DNMBP: variants seen among roughly 807,000 people sequenced by gnomAD.
DNMBP encodes dynamin-binding protein.
Under a neutral mutation model 150.0 loss-of-function variants are expected in DNMBP, and 87 were observed. That is an observed-to-expected ratio of 0.58 (90% CI 0.49 to 0.69). The LOEUF (loss-of-function observed/expected upper bound fraction) is 0.69, where lower values mean the gene tolerates loss of function less well. DNMBP is among the 30% of genes least tolerant of loss of function. The pLI, the probability that DNMBP is intolerant of heterozygous loss-of-function variation, is 0.00. For missense variants in DNMBP, 1,774 were observed against 1,949.0 expected, an observed-to-expected ratio of 0.91 and a Z score of 1.69; for synonymous variants, 711 against 750.4, an observed-to-expected ratio of 0.95 and a Z score of 0.86.
At chr10:99,952,390 G>A (rs911466788) in intron 4 of DNMBP, among the ~76,000 whole-genome samples, 1 of 152,190 alleles carries the variant, frequency 6.6e-6, no homozygotes, top group Non-Finnish European at 1.5e-5. Flanking sequence ...CTCAGCCAAG[G>A]TTCCCTCAGA....
intron 15 of DNMBP, among the ~76,000 whole-genome samples, chr10:99,882,090 G>A (rs1030559924): frequency 6.6e-6 from 1 of 152,108 alleles, no homozygotes; most frequent in Non-Finnish European, 1.5e-5. Flanking sequence ...TGAACCTGGA[G>A]GACACGTTAA....
intron 6 of DNMBP, among the ~76,000 whole-genome samples, chr10:99,906,946 A>C (rs2039833625): frequency 6.6e-6 from 1 of 152,262 alleles, no homozygotes; most frequent in Non-Finnish European, 1.5e-5. Flanking sequence ...GAATGTTTTA[A>C]AAACATTTTG....
chr10:99,893,705 G>A (rs2039610358), intron 11 of DNMBP, among the ~76,000 whole-genome samples: 1 of 152,172 alleles, frequency 6.6e-6, no homozygotes, highest in Non-Finnish European at 1.5e-5. Flanking sequence ...CTAGCCTGGC[G>A]AGAGTGAGAC....
chr10:99,924,416 C>T (rs1470671342), intron 4 of DNMBP, among the ~76,000 whole-genome samples: 1 of 152,212 alleles, frequency 6.6e-6, no homozygotes, highest in Non-Finnish European at 1.5e-5. Flanking sequence ...GCACTCCAGC[C>T]CGGGCGACAG....
intron 3 of DNMBP, among the ~76,000 whole-genome samples, chr10:99,962,607 G>T (rs746662191): frequency 2.6e-5 from 4 of 152,080 alleles, no homozygotes; most frequent in Non-Finnish European, 5.9e-5. Flanking sequence ...CTCCAGCCTG[G>T]GCGATAGAGC....
chr10:99,972,614 T>A (rs927447312), intron 1 of DNMBP, among the ~76,000 whole-genome samples: 2 of 150,696 alleles, frequency 1.3e-5, no homozygotes, highest in African/African-American at 2.4e-5. Flanking sequence ...TCTTTTTCCC[T>A]TTTTGGGGGC....
rs373360940 is a variant in DNMBP, at chr10:99,955,204, C to T, written c.2260+10G>A. On this transcript the variant is annotated intron_variant, in intron 4 of 16. Coordinates refer to ENST00000324109, the MANE Select transcript of DNMBP (RefSeq NM_015221.4). ...AAGAAACAATTACATATTATTTCCT[C>T]GTCACTTACCTCTTAGTTGCTGGAG... is the stretch of plus-strand genomic sequence containing the variant. The T allele has an allele frequency of 6.6e-5, 106 of 1,605,022 alleles. No individual in the cohort carries two copies. Among genetic ancestry groups the T allele is most frequent in the Non-Finnish European group, 8.6e-5 (101 of 1,174,184 alleles).
At chr10:99,913,702 T>C (rs75483041) in intron 4 of DNMBP, among the ~76,000 whole-genome samples, 6,725 of 152,086 alleles carry the variant, frequency 0.044, 225 homozygotes, top group Non-Finnish European at 0.07. Flanking sequence ...GGTTAGTACA[T>C]TATCACCAGG....
intron 1 of DNMBP, among the ~76,000 whole-genome samples, chr10:99,985,880 A>T (rs905547786): frequency 2.0e-5 from 3 of 152,128 alleles, no homozygotes; most frequent in African/African-American, 7.2e-5. Context: ...CCTCCCATGT[A>T]GCTGGGACCA....
intron 15 of DNMBP, among the ~76,000 whole-genome samples, chr10:99,881,787 C>T (rs760269085): frequency 1.3e-5 from 2 of 151,990 alleles, no homozygotes; most frequent in Non-Finnish European, 2.9e-5. Context: ...TCTGTGTAAG[C>T]AGAAGTGGGG....
At chr10:100,003,996 C>T (rs2041042155) in intron 1 of DNMBP, among the ~76,000 whole-genome samples, 1 of 151,784 alleles carries the variant, frequency 6.6e-6, no homozygotes, top group South Asian at 2.1e-4. Context: ...CTTTGGGAGG[C>T]CAAGGCAGGA....
chr10:100,004,949 C>A (rs1291493718), intron 1 of DNMBP, among the ~76,000 whole-genome samples: 1 of 152,122 alleles, frequency 6.6e-6, no homozygotes, highest in Non-Finnish European at 1.5e-5. Flanking sequence ...TCAACTCCAA[C>A]AGAAAATGCC....
Position 99,955,322 on chromosome 10 carries a change from T to C in DNMBP, c.2152A>G (p.Met718Val), listed in dbSNP as rs924745234. 6.2e-7 allele frequency: 1 copy of C among 1,614,166 alleles called. No homozygotes were observed. Among genetic ancestry groups the C allele is most frequent in the Non-Finnish European group, 8.5e-7 (1 of 1,180,016 alleles). ...GATTCATCCTGCTTCTCCTCCAGCATGAGGTTTAGCTCTTCTTGAGCTCTA... is the reference window on the plus strand; with the variant it reads ...GATTCATCCTGCTTCTCCTCCAGCACGAGGTTTAGCTCTTCTTGAGCTCTA... ...YSRAQEELNL[M>V]LEEKQDESSR... Residue 718 changes from methionine (M) to valine (V), a missense_variant, in exon 4 of 17, where the codon ATG becomes GTG. Coordinates refer to ENST00000324109, the MANE Select transcript of DNMBP (RefSeq NM_015221.4).
intron 4 of DNMBP, among the ~76,000 whole-genome samples, chr10:99,926,307 T>C (rs12259793): frequency 0.53 from 80,453 of 152,016 alleles, 21,937 homozygotes; most frequent in Middle Eastern, 0.65. Context: ...TTTCTAGAGA[T>C]GTGGTCTCAC....
chr10:99,930,900 G>A (rs11190327), intron 4 of DNMBP: 22,070 of 555,156 alleles, frequency 0.04, 556 homozygotes, highest in South Asian at 0.076. Flanking sequence ...CACTCTTCTC[G>A]TTGCTCTAGT....
intron 1 of DNMBP, among the ~76,000 whole-genome samples, chr10:99,990,774 CACATATAT>C (rs2133376695): frequency 8.5e-6 from 1 of 117,154 alleles, no homozygotes; most frequent in Non-Finnish European, 1.8e-5. Flanking sequence ...CACATATATA[CACATATAT>C]ACACACATAT....
At chr10:99,946,973 C>T (rs2040364379) in intron 4 of DNMBP, among the ~76,000 whole-genome samples, 1 of 152,132 alleles carries the variant, frequency 6.6e-6, no homozygotes, top group Non-Finnish European at 1.5e-5. Flanking sequence ...GAAAAAAATG[C>T]TTAACATCGC....
At chr10:99,923,762 C>T (rs963342496) in intron 4 of DNMBP, among the ~76,000 whole-genome samples, 3 of 114,642 alleles carry the variant, frequency 2.6e-5, no homozygotes, top group Non-Finnish European at 5.3e-5. Context: ...CAGAACTGTT[C>T]TCCTTGCTTC....
intron 6 of DNMBP, among the ~76,000 whole-genome samples, chr10:99,903,893 TC>T (rs2039782902): frequency 6.6e-6 from 1 of 151,980 alleles, no homozygotes; most frequent in Non-Finnish European, 1.5e-5. Flanking sequence ...TGGGTCACAG[TC>T]AGCACTGTTT....
Sources: gnomAD v4.1 joint callset for allele counts (sites outside exome capture counted in the v4.1 genomes callset) on GRCh38, gnomAD v4.1.1 for gene constraint, MANE v1.5 for transcripts, NCBI Gene and HGNC (gene_info 2026-07-23, HGNC 2026-07-21) for gene names.